Variants in OR51B5 observed in about 807,000 individuals in gnomAD.
OR51B5 encodes the protein olfactory receptor 51B5.
For synonymous variants in OR51B5, 186 were observed against 144.8 expected (o/e 1.28, Z -2.04); for missense variants, 456 against 374.6 (o/e 1.22, Z -1.79).
At chr11:5,360,109 A>C (rs1463229646) in intron 1 of OR51B5, among the ~76,000 whole-genome samples, 2 of 152,046 alleles carry the variant, frequency 1.3e-5, no homozygotes, top group African/African-American at 4.8e-5. Flanking sequence ...CTAAAACACC[A>C]AAAGCAATGG....
chr11:5,412,462 T>C lies in OR51B5; in HGVS notation n.85-65552A>G, dbSNP rs962259950. Among the ~76,000 whole-genome samples the C allele has an allele frequency of 3.3e-5, 5 of 152,168 alleles. No individual in the cohort carries two copies. The South Asian group carries it at 6.2e-4, about 19-fold the overall frequency. On this transcript the variant is annotated intron_variant and non_coding_transcript_variant, in intron 1 of 4. Transcript: ENST00000415970. ...GCGCAGGTCAGTGGGTGCAGCGTAC[T>C]GTGCGCCAGCCGAAGCAGGGCGAGG... is the stretch of plus-strand genomic sequence containing the variant.
chr11:5,453,643 A>G, intron 1 of OR51B5: 1 of 1,613,546 alleles, frequency 6.2e-7, no homozygotes, highest in Non-Finnish European at 8.5e-7. Context: ...GTGCGAGTGG[A>G]GCCCAGCCTC....
At chr11:5,489,801 G>GA (rs1358733667) in intron 1 of OR51B5, 2 of 672,360 alleles carry the variant, frequency 3.0e-6, no homozygotes. Context: ...ATAGCCAGAT[G>GA]AATCAGAGCT....
chr11:5,391,003 C>T (rs538073094), intron 1 of OR51B5: 6 of 152,400 alleles, frequency 3.9e-5, no homozygotes, highest in Admixed American at 6.5e-5. Flanking sequence ...TGATCCTATC[C>T]TTGACTCCTC....
At chr11:5,443,604 T>C (rs1319941250) in intron 1 of OR51B5, among the ~76,000 whole-genome samples, 3 of 152,132 alleles carry the variant, frequency 2.0e-5, no homozygotes, top group African/African-American at 7.2e-5. Context: ...AAGATAGGTT[T>C]ACCCCCGTCT....
chr11:5,340,469 A>G (rs1327878817), downstream of OR51B5: 3 of 151,248 alleles, frequency 2.0e-5, no homozygotes, highest in African/African-American at 7.3e-5. Context: ...CAACAAAAGC[A>G]TTACTCTTTT....
intron 1 of OR51B5, among the ~76,000 whole-genome samples, chr11:5,383,412 T>C (rs1336206430): frequency 6.6e-6 from 1 of 152,176 alleles, no homozygotes; most frequent in African/African-American, 2.4e-5. Context: ...GTGGTGATTG[T>C]GGTGCTTCAA....
Position 5,430,437 on chromosome 11 carries a change from T to C in OR51B5, n.84+75132A>G, listed in dbSNP as rs566780992. On this transcript the variant is annotated intron_variant and non_coding_transcript_variant, in intron 1 of 4. Transcript: ENST00000415970. ...CATATCTGGTTAGAAGAGAAAGTCA[T>C]GTACATGTGCACACACAGAGACACA... 8.5e-5 allele frequency among the ~76,000 whole-genome samples: 13 copies of C among 152,318 alleles called. 1 individual carries two copies. The East Asian group carries it at 2.3e-3, about 27-fold the overall frequency.
intron 1 of OR51B5, among the ~76,000 whole-genome samples, chr11:5,481,935 G>T: frequency 7.7e-6 from 1 of 130,646 alleles, no homozygotes; most frequent in Non-Finnish European, 1.6e-5. Flanking sequence ...ACTGCCCAAG[G>T]TAATTTACAG....
chr11:5,345,032 G>A (rs899994683), upstream of OR51B5, among the ~76,000 whole-genome samples: 1 of 152,134 alleles, frequency 6.6e-6, no homozygotes, highest in Non-Finnish European at 1.5e-5. Context: ...AGCATGACTG[G>A]CATTTGATAA....
At position 5,415,862 on chromosome 11, in the gene OR51B5, T is replaced by G. The variant is rs1490239485; in HGVS notation, n.85-68952A>C. 3.0e-4 allele frequency among the ~76,000 whole-genome samples: 46 copies of G among 151,686 alleles called. No individual in the cohort carries two copies. In the South Asian group the frequency reaches 8.2e-3, roughly 27 times the overall value. ...TACCAGAGGTACAAGGAGGAACTGG[T>G]ACCATTCCTTCTGAAACTATTCCAA... On this transcript the variant is annotated intron_variant and non_coding_transcript_variant, in intron 1 of 4. Transcript: ENST00000415970.
At chr11:5,412,607 C>T (rs544353029) in intron 1 of OR51B5, among the ~76,000 whole-genome samples, 24 of 152,330 alleles carry the variant, frequency 1.6e-4, no homozygotes, top group South Asian at 6.2e-4. Context: ...GCTTTTCCAA[C>T]GGGCTTAAAA....
chr11:5,396,092 C>G (rs970066119), intron 1 of OR51B5, among the ~76,000 whole-genome samples: 1 of 152,142 alleles, frequency 6.6e-6, no homozygotes, highest in African/African-American at 2.4e-5. Flanking sequence ...GATTGTAATA[C>G]AGATCTGGTC....
chr11:5,489,644 T>C (rs188784595), intron 1 of OR51B5: 1 of 1,611,992 alleles, frequency 6.2e-7, no homozygotes, highest in East Asian at 2.2e-5. Context: ...CTGCTTCACC[T>C]GGGGAAGACT....
intron 1 of OR51B5, among the ~76,000 whole-genome samples, chr11:5,397,007 G>C (rs1259928718): frequency 6.6e-6 from 1 of 152,074 alleles, no homozygotes; most frequent in Non-Finnish European, 1.5e-5. Flanking sequence ...CCAAATGTAG[G>C]AAGCTGAAAC....
At chr11:5,407,758 T>C (rs1188750304) in intron 1 of OR51B5, among the ~76,000 whole-genome samples, 2 of 151,504 alleles carry the variant, frequency 1.3e-5, no homozygotes, top group East Asian at 1.9e-4. Flanking sequence ...TTTTAATATC[T>C]GTACTTTATA....
chr11:5,438,722 C>T (rs1589996009), intron 1 of OR51B5, among the ~76,000 whole-genome samples: 1 of 152,126 alleles, frequency 6.6e-6, no homozygotes, highest in South Asian at 2.1e-4. Flanking sequence ...ATGCAAATCT[C>T]AAGACGAGGG....
chr11:5,404,165 G>GGGGCGGGGA (rs1380847430), intron 1 of OR51B5, among the ~76,000 whole-genome samples: 2 of 131,250 alleles, frequency 1.5e-5, no homozygotes, highest in Non-Finnish European at 3.3e-5. Context: ...GGGAGGGGAT[G>GGGGCGGGGA]GGGCGGGGAG....
intron 1 of OR51B5, among the ~76,000 whole-genome samples, chr11:5,497,358 G>C (rs1382812221): frequency 2.6e-5 from 4 of 152,306 alleles, no homozygotes; most frequent in East Asian, 3.9e-4. Flanking sequence ...GTTGCAGTGA[G>C]CTGAGATCGC....
Sources: gnomAD v4.1 joint callset for allele counts (sites outside exome capture counted in the v4.1 genomes callset) on GRCh38, gnomAD v4.1.1 for gene constraint, MANE v1.5 for transcripts, NCBI Gene and HGNC (gene_info 2026-07-23, HGNC 2026-07-21) for gene names.